Variants in NEBL observed in about 807,000 individuals in gnomAD.
NEBL encodes the protein nebulette, also known as LIM and SH3 protein 2.
A neutral mutation model predicts 140.2 loss-of-function variants in NEBL; 122 were observed. The observed-to-expected ratio is 0.87, with a 90% CI of 0.75 to 1.01. NEBL has a LOEUF of 1.01. Ranked by LOEUF, NEBL falls within the 50% of genes least tolerant of loss-of-function variation. The probability of loss-of-function intolerance (pLI) is 0.00; values close to 1 mark genes in which losing one functional copy is unlikely to be tolerated. For missense variants in NEBL, 1,365 were observed against 1,231.3 expected (o/e 1.11, Z -1.62); for synonymous variants, 436 against 398.9 (o/e 1.09, Z -1.11).
At chr10:20,823,105 A>C in intron 19 of NEBL, 103 bp downstream of exon 19, 1 of 837,390 alleles carries the variant, frequency 1.2e-6, no homozygotes, top group African/African-American at 1.7e-5. Flanking sequence ...TCCTCTCGCA[A>C]TGAGGTTCAT....
chr10:20,860,328 G>C (rs1221484346), intron 7 of NEBL, among the ~76,000 whole-genome samples: 3 of 151,872 alleles, frequency 2.0e-5, no homozygotes, highest in African/African-American at 7.3e-5. Flanking sequence ...TTTCTGAAAT[G>C]TCCTGGGTCA....
chr10:21,093,637 T>C (rs1195117001), intron 2 of NEBL, among the ~76,000 whole-genome samples: 1 of 152,332 alleles, frequency 6.6e-6, no homozygotes, highest in East Asian at 1.9e-4. Context: ...GATTAAGAGT[T>C]GGTAGAACCA....
In NEBL at chr10:21,254,986, G is replaced by C. The variant is rs144545413; in HGVS notation, n.183-3158C>G. Among the ~76,000 whole-genome samples the C allele has an allele frequency of 2.6e-3, 400 of 152,286 alleles. 7 individuals carry two copies. The highest frequency in any genetic ancestry group is 0.019 in the Admixed American group (288 of 15,284). ...CATTAGCCACACATAGTGTGTGTTG[G>C]GGTAACAACAGAATGCTGATGTAGC... On this transcript the variant is annotated intron_variant and non_coding_transcript_variant, in intron 1 of 8. Coordinates refer to the NEBL transcript ENST00000675702.
Position 20,831,275 on chromosome 10 carries a change from A to T in NEBL, c.1592T>A (p.Ile531Asn). Residue 531 changes from isoleucine (I) to asparagine (N), a missense_variant, in exon 16 of 28, where the codon ATT becomes AAT. Ile to Asn is a moderately radical substitution (Grantham distance 149, BLOSUM62 -3). Transcript: ENST00000377122. ...GCTCACTTGCATTCCTTTCCCTTTAATTTCATTTTCTAAGTCCTTCTTGTA... is the reference window on the plus strand; with the variant it reads ...GCTCACTTGCATTCCTTTCCCTTTATTTTCATTTTCTAAGTCCTTCTTGTA... Reference protein sequence around the residue: ...KQYKKDLENEIKGKGMQVSMD... With the variant: ...KQYKKDLENENKGKGMQVSMD... The T allele has an allele frequency of 1.9e-6, 3 of 1,612,906 alleles. No homozygotes were observed. The Middle Eastern group carries it at 5.0e-4, about 266-fold the overall frequency.
chr10:21,029,661 A>C, intron 2 of NEBL: 1 of 1,238,730 alleles, frequency 8.1e-7, no homozygotes, highest in Non-Finnish European at 1.2e-6. Flanking sequence ...ATAGGTTTGG[A>C]GACAAGTATC....
chr10:21,229,022 T>C (rs1842209133), intron 3 of NEBL, among the ~76,000 whole-genome samples: 1 of 152,072 alleles, frequency 6.6e-6, no homozygotes, highest in African/African-American at 2.4e-5. Flanking sequence ...CAACCCATAG[T>C]GGACATAGAG....
At chr10:20,918,989 A>G (rs934629763) in intron 4 of NEBL, among the ~76,000 whole-genome samples, 3 of 152,184 alleles carry the variant, frequency 2.0e-5, no homozygotes, top group East Asian at 1.9e-4. Flanking sequence ...AAGTAACACA[A>G]TTCTGGAGGT....
In NEBL at chr10:21,129,914, C is replaced by G. The variant is rs193240255; in HGVS notation, c.164+42469G>C. On this transcript the variant is annotated intron_variant, in intron 2 of 6. Coordinates refer to the NEBL transcript ENST00000417816. ...CAATTATATCAATAATCACTTTGAA[C>G]ATCAGTGATCTAAATGCACCAACTG... Among the ~76,000 whole-genome samples the G allele has an allele frequency of 9.5e-4, 145 of 152,116 alleles. 2 individuals are homozygous for G. In the East Asian group the frequency reaches 0.021, roughly 22 times the overall value.
chr10:21,029,588 C>G, intron 2 of NEBL: 1 of 1,588,476 alleles, frequency 6.3e-7, no homozygotes, highest in East Asian at 2.2e-5. Context: ...AAAACAGATA[C>G]AGACTGGAGG....
At chr10:20,978,880 T>C (rs1357527180) in intron 3 of NEBL, among the ~76,000 whole-genome samples, 1 of 152,078 alleles carries the variant, frequency 6.6e-6, no homozygotes, top group Non-Finnish European at 1.5e-5. Flanking sequence ...CTAGAAAGTC[T>C]CCTCATGCAC....
At chr10:20,863,187 TATCCTCATATGAGGATCCAG>T (rs1843908007) in intron 7 of NEBL, among the ~76,000 whole-genome samples, 1 of 152,152 alleles carries the variant, frequency 6.6e-6, no homozygotes, top group Non-Finnish European at 1.5e-5. Flanking sequence ...TACATCTGCA[TATCCTCATATGAGGATCCAG>T]ATCCTCATAA....
At position 21,222,620 on chromosome 10, in the gene NEBL, T is replaced by A. The variant is rs148047913; in HGVS notation, n.348+25301A>T. 4.5e-3 allele frequency among the ~76,000 whole-genome samples: 690 copies of A among 152,330 alleles called. 4 individuals carry two copies. The highest frequency in any genetic ancestry group is 0.016 in the African/African-American group (648 of 41,572). On this transcript the variant is annotated intron_variant and non_coding_transcript_variant, in intron 3 of 8. Transcript: ENST00000675702. The stretch of plus-strand genomic sequence containing the variant: ...ATTTTTAATTTTTGTGGGTACATAG[T>A]AGGTGTATATATGTATGGGGTACAT...
rs3215820 is a variant in NEBL, at chr10:20,787,586, CA to C, written c.2762-279del. ...GCAGATGCTCAGTTAAAAACATAAA[CA>C]AAAATTTTTCATACTCCCTTAATGA... is the stretch of plus-strand genomic sequence containing the variant. On this transcript the variant is annotated intron_variant, in intron 26 of 27. Coordinates refer to ENST00000377122, the MANE Select transcript of NEBL (RefSeq NM_006393.3). Among the ~76,000 whole-genome samples, 12,875 of 152,086 alleles carry C rather than the reference CA, an allele frequency of 0.085. 624 individuals are homozygous for C. The highest frequency in any genetic ancestry group is 0.12 in the African/African-American group (4,818 of 41,476).
At chr10:21,175,743 C>A (rs1368346796), upstream of NEBL, among the ~76,000 whole-genome samples, 1 of 152,126 alleles carries the variant, frequency 6.6e-6, no homozygotes, top group Admixed American at 6.5e-5. Flanking sequence ...AGAGGATCAG[C>A]TGTCTTTTAA....
At chr10:20,786,637 T>C (rs1174268504) in intron 27 of NEBL, among the ~76,000 whole-genome samples, 1 of 152,190 alleles carries the variant, frequency 6.6e-6, no homozygotes, top group Non-Finnish European at 1.5e-5. Flanking sequence ...CCGGACAGTG[T>C]AGAAGAGTTT....
In NEBL at chr10:21,238,618, G is replaced by A. The variant is rs536911220; in HGVS notation, n.348+9303C>T. On this transcript the variant is annotated intron_variant and non_coding_transcript_variant, in intron 3 of 8. Transcript: ENST00000675702. ...CCAGCTACTGGGGATGCTGAGGCAG[G>A]AGAATCACTTGAACCTGGGAGGCGG... Among the ~76,000 whole-genome samples the A allele has an allele frequency of 3.7e-4, 56 of 151,468 alleles. No homozygotes were observed. The South Asian group carries it at 0.011, about 30-fold the overall frequency.
At chr10:21,155,438 C>T (rs981754224) in intron 2 of NEBL, among the ~76,000 whole-genome samples, 2 of 152,168 alleles carry the variant, frequency 1.3e-5, no homozygotes, top group Admixed American at 6.5e-5. Flanking sequence ...CTCCCACTAA[C>T]CTTCCCAGCT....
chr10:20,863,956 T>C (rs1340140688), intron 7 of NEBL, among the ~76,000 whole-genome samples: 1 of 152,172 alleles, frequency 6.6e-6, no homozygotes, highest in South Asian at 2.1e-4. Context: ...GATGGGAGAA[T>C]GGTAAATTCC....
intron 11 of NEBL, among the ~76,000 whole-genome samples, chr10:20,848,573 C>T (rs1842178283): frequency 6.6e-6 from 1 of 152,128 alleles, no homozygotes; most frequent in African/African-American, 2.4e-5. Context: ...TGCCTCCTGT[C>T]AGATCAGCGG....
Sources: gnomAD v4.1 joint callset for allele counts (sites outside exome capture counted in the v4.1 genomes callset) on GRCh38, gnomAD v4.1.1 for gene constraint, MANE v1.5 for transcripts, NCBI Gene and HGNC (gene_info 2026-07-23, HGNC 2026-07-21) for gene names.